The following ELOVL6 variants were observed in gnomAD, a reference collection of about 807,000 sequenced individuals.
The protein encoded by ELOVL6 is very long chain fatty acid elongase 6.
A neutral mutation model predicts 31.7 loss-of-function variants in ELOVL6; 8 were observed. The observed-to-expected ratio is 0.25, with a 90% CI of 0.15 to 0.45. The LOEUF is 0.45. Ranked by LOEUF, ELOVL6 falls within the 20% of genes least tolerant of loss-of-function variation. The probability of loss-of-function intolerance (pLI) is 1.00; values close to 1 mark genes in which losing one functional copy is unlikely to be tolerated. For synonymous variants in ELOVL6, 101 were observed against 117.7 expected (o/e 0.86, Z 0.92); for missense variants, 126 against 326.4 (o/e 0.39, Z 4.73).
intron 2 of ELOVL6, among the ~76,000 whole-genome samples, chr4:110,079,909 A>G (rs1192137974): frequency 3.9e-5 from 6 of 152,206 alleles, no homozygotes; most frequent in African/African-American, 7.2e-5. Flanking sequence ...TAAAGGGGAT[A>G]TCACCACCGA....
rs543031223 is a variant in ELOVL6, at chr4:110,160,160, G to A, written c.89+38087C>T. On this transcript the variant is annotated intron_variant, in intron 1 of 3. Coordinates refer to ENST00000302274, the MANE Select transcript of ELOVL6 (RefSeq NM_024090.3). ...CACTATTGGATGTCTTTTTAACAGT[G>A]TATCTTGGAGATCTTTCCATGACAG... Among the ~76,000 whole-genome samples, 19 of 152,068 alleles carry A rather than the reference G, an allele frequency of 1.2e-4. 1 individual carries two copies. The highest frequency in any genetic ancestry group is 9.8e-4 in the Admixed American group (15 of 15,268).
At chr4:110,175,274 A>G (rs1759068929) in intron 1 of ELOVL6, among the ~76,000 whole-genome samples, 1 of 152,036 alleles carries the variant, frequency 6.6e-6, no homozygotes, top group Non-Finnish European at 1.5e-5. Flanking sequence ...TCCCAGCTAC[A>G]CGGGAGGCTG....
intron 1 of ELOVL6, among the ~76,000 whole-genome samples, chr4:110,158,556 G>A (rs1260134073): frequency 7.5e-6 from 1 of 133,502 alleles, no homozygotes; most frequent in Non-Finnish European, 1.7e-5. Flanking sequence ...ATATTGGAGA[G>A]AGATATATAT....
rs768640824 is a variant in ELOVL6, at chr4:110,046,987, C to T, written c.*4351G>A. ...GGTGTTGTATAGAAAAGACAAAGAA[C>T]GATGTTTCAAAAGCTGTGGGAGACA... On this transcript the variant is annotated 3_prime_UTR_variant, in exon 4 of 4. Coordinates refer to ENST00000302274, the MANE Select transcript of ELOVL6 (RefSeq NM_024090.3). The T allele has an allele frequency of 6.6e-6, 1 of 152,108 alleles. No homozygotes were observed. Among genetic ancestry groups the T allele is most frequent in the Non-Finnish European group, 1.5e-5 (1 of 68,018 alleles). 9.4% of individuals were successfully genotyped at this position (152,108 alleles called of 1,614,324 possible). A position where few individuals can be genotyped will look rare whatever the true frequency, so the allele number is the denominator to read the frequency against.
intron 1 of ELOVL6, among the ~76,000 whole-genome samples, chr4:110,167,633 G>C (rs1386795560): frequency 6.6e-6 from 1 of 151,826 alleles, no homozygotes; most frequent in African/African-American, 2.4e-5. Context: ...GGGACTACAG[G>C]GTGCCTGCCA....
At chr4:110,052,236 GC>G (rs1348330861) in intron 3 of ELOVL6, among the ~76,000 whole-genome samples, 1 of 152,188 alleles carries the variant, frequency 6.6e-6, no homozygotes, top group African/African-American at 2.4e-5. Context: ...GAAGTCAAGT[GC>G]CCAGCAAAAT....
chr4:110,066,275 C>A (rs1755296809), intron 2 of ELOVL6, among the ~76,000 whole-genome samples: 1 of 152,126 alleles, frequency 6.6e-6, no homozygotes, highest in African/African-American at 2.4e-5. Flanking sequence ...ACAAATTAAT[C>A]TCAAACCCAC....
At chr4:110,110,461 G>A (rs1328725164) in intron 1 of ELOVL6, among the ~76,000 whole-genome samples, 8 of 145,662 alleles carry the variant, frequency 5.5e-5, no homozygotes, top group Admixed American at 7.0e-5. Flanking sequence ...AGGCTGGAGC[G>A]TAGTGGTGTG....
intron 1 of ELOVL6, chr4:110,117,811 G>A: frequency 7.7e-6 from 1 of 129,996 alleles, no homozygotes; most frequent in Non-Finnish European, 1.6e-5. Context: ...GAACCCGGGA[G>A]GCGGAGCTTA....
At chr4:110,145,725 C>G (rs1758087304) in intron 1 of ELOVL6, among the ~76,000 whole-genome samples, 1 of 151,230 alleles carries the variant, frequency 6.6e-6, no homozygotes, top group African/African-American at 2.4e-5. Context: ...AACAAAGAAA[C>G]CACCGATAAC....
intron 1 of ELOVL6, 160 bp downstream of exon 1, chr4:110,198,087 C>G (rs903222265): frequency 3.0e-6 from 1 of 331,112 alleles, no homozygotes. Flanking sequence ...CCCCCCCCCC[C>G]AGCGTCTCCT....
chr4:110,183,171 G>T (rs1236466839), intron 1 of ELOVL6, among the ~76,000 whole-genome samples: 1 of 151,932 alleles, frequency 6.6e-6, no homozygotes, highest in Non-Finnish European at 1.5e-5. Context: ...TGCTACTACG[G>T]GCAGTCACGT....
chr4:110,198,078 C>T lies in ELOVL6; in HGVS notation c.89+169G>A, dbSNP rs76063861. 16 of 267,058 alleles carry T rather than the reference C, an allele frequency of 6.0e-5. 2 individuals are homozygous for T. Among genetic ancestry groups the T allele is most frequent in the South Asian group, 1.0e-4 (3 of 29,300 alleles). 16.5% of individuals were successfully genotyped at this position (267,058 alleles called of 1,614,324 possible). A position where few individuals can be genotyped will look rare whatever the true frequency, so the allele number is the denominator to read the frequency against. On this transcript the variant is annotated intron_variant, in intron 1 of 3. Coordinates refer to ENST00000302274, the MANE Select transcript of ELOVL6 (RefSeq NM_024090.3). Reference sequence around the variant, plus strand: ...CACAGACCTCGCGCTTCATGTACCCCCCCCCCCCCAGCGTCTCCTGCACCC... The same window carrying T: ...CACAGACCTCGCGCTTCATGTACCCTCCCCCCCCCAGCGTCTCCTGCACCC...
chr4:110,198,816 G>A (rs1257844167), upstream of ELOVL6: 1 of 155,844 alleles, frequency 6.4e-6, no homozygotes, highest in Non-Finnish European at 1.4e-5. Context: ...GTGGCCTGGA[G>A]GTCATCCAGA....
At chr4:110,160,267 G>T (rs1422258809) in intron 1 of ELOVL6, among the ~76,000 whole-genome samples, 1 of 152,102 alleles carries the variant, frequency 6.6e-6, no homozygotes, top group East Asian at 1.9e-4. Flanking sequence ...CCTTGGCCTT[G>T]AATTTCAAAA....
chr4:110,156,244 G>A (rs1316279312), intron 1 of ELOVL6, among the ~76,000 whole-genome samples: 2 of 152,140 alleles, frequency 1.3e-5, no homozygotes, highest in Non-Finnish European at 2.9e-5. Flanking sequence ...AGCTGTGTCA[G>A]GAAAAGAGGA....
chr4:110,147,780 GACACACACACACACACACACAC>G (rs58644594), intron 1 of ELOVL6, among the ~76,000 whole-genome samples: 2 of 142,742 alleles, frequency 1.4e-5, no homozygotes, highest in Middle Eastern at 3.6e-3. Flanking sequence ...GACAGAGCAG[GACACACACACACACACACACAC>G]ACACACACAC....
At chr4:110,101,574 G>A (rs1756742944) in intron 2 of ELOVL6, among the ~76,000 whole-genome samples, 1 of 152,172 alleles carries the variant, frequency 6.6e-6, no homozygotes, top group South Asian at 2.1e-4. Flanking sequence ...TGCTTCATTT[G>A]TTCTGAATAA....
chr4:110,136,396 T>C (rs114018486), intron 1 of ELOVL6, among the ~76,000 whole-genome samples: 1 of 152,308 alleles, frequency 6.6e-6, no homozygotes, highest in African/African-American at 2.4e-5. Flanking sequence ...GAACGCCTTA[T>C]TTAAAACTCG....
Sources: gnomAD v4.1 joint callset for allele counts (sites outside exome capture counted in the v4.1 genomes callset) on GRCh38, gnomAD v4.1.1 for gene constraint, MANE v1.5 for transcripts, NCBI Gene and HGNC (gene_info 2026-07-23, HGNC 2026-07-21) for gene names.